Variants in MTOR observed in about 807,000 individuals in gnomAD.
MTOR encodes the protein mechanistic target of rapamycin kinase.
MTOR carries 70 observed loss-of-function variants against 319.8 expected under a neutral mutation model. That is an observed-to-expected ratio of 0.22 (90% confidence interval 0.18 to 0.27). The LOEUF (loss-of-function observed/expected upper bound fraction) is 0.27. Ranked by LOEUF, MTOR falls within the 10% of genes least tolerant of loss-of-function variation. MTOR has a pLI of 1.00. For synonymous variants in MTOR, 1,183 were observed against 1,211.4 expected, an observed-to-expected ratio of 0.98 and a Z score of 0.49; for missense variants, 1,890 against 3,274.4, an observed-to-expected ratio of 0.58 and a Z score of 10.32.
intron 36 of MTOR, among the ~76,000 whole-genome samples, chr1:11,135,481 GATAA>G (rs1175340028): frequency 6.6e-6 from 1 of 152,178 alleles, no homozygotes; most frequent in Non-Finnish European, 1.5e-5. Context: ...CAAGACTTCA[GATAA>G]ATAACAGTTC....
At chr1:11,253,461 C>G (rs1649962601) in intron 6 of MTOR, among the ~76,000 whole-genome samples, 1 of 152,156 alleles carries the variant, frequency 6.6e-6, no homozygotes, top group African/African-American at 2.4e-5. Flanking sequence ...CTCCCTTGCT[C>G]CCGGTACACC....
At chr1:11,154,521 C>CTG (rs775663500) in intron 30 of MTOR, among the ~76,000 whole-genome samples, 47 of 148,504 alleles carry the variant, frequency 3.2e-4, no homozygotes, top group African/African-American at 1.2e-3. Flanking sequence ...TTATCTCTCT[C>CTG]TCTATATATA....
At chr1:11,135,857 G>A (rs1643388474) in intron 36 of MTOR, among the ~76,000 whole-genome samples, 1 of 146,814 alleles carries the variant, frequency 6.8e-6, no homozygotes, top group Admixed American at 6.9e-5. Context: ...AAAAAAGGCT[G>A]GGTGTGGTGG....
At chr1:11,225,699 G>T (rs1225675539) in intron 19 of MTOR, among the ~76,000 whole-genome samples, 1 of 152,110 alleles carries the variant, frequency 6.6e-6, no homozygotes, top group Non-Finnish European at 1.5e-5. Flanking sequence ...TGGGATTATA[G>T]GCATGAGCCA....
chr1:11,153,195 G>A (rs1408823392), intron 30 of MTOR, among the ~76,000 whole-genome samples: 1 of 152,202 alleles, frequency 6.6e-6, no homozygotes, highest in East Asian at 1.9e-4. Flanking sequence ...GGAAGGGGAA[G>A]GGGCCAGGAG....
chr1:11,197,069 G>A (rs566212791), intron 28 of MTOR, among the ~76,000 whole-genome samples: 5 of 152,220 alleles, frequency 3.3e-5, no homozygotes, highest in South Asian at 4.1e-4. Flanking sequence ...AGTAAAAACA[G>A]GTAAGATGTC....
At chr1:11,244,985 C>T (rs1047947175) in intron 8 of MTOR, among the ~76,000 whole-genome samples, 10 of 152,174 alleles carry the variant, frequency 6.6e-5, no homozygotes, top group African/African-American at 2.2e-4. Flanking sequence ...GTATCCCCAT[C>T]GTTAAGCAAT....
chr1:11,243,324 G>A (rs1648341090), intron 8 of MTOR, 24 bp from the exon 9 acceptor site: 1 of 1,609,612 alleles, frequency 6.2e-7, no homozygotes, highest in Non-Finnish European at 8.5e-7. Context: ...AGACAAAGTA[G>A]ATAGCTCCAG....
At position 11,252,108 on chromosome 1, in the gene MTOR, C is replaced by A. The variant is rs148674968; in HGVS notation, c.840+1731G>T. The stretch of plus-strand genomic sequence containing the variant: ...AAATCTGCAGATGCTCAAGTCCCTC[C>A]GATAAAGTAGCATAGTATTTGCATA... On this transcript the variant is annotated intron_variant, in intron 6 of 57. Coordinates refer to ENST00000361445, the MANE Select transcript of MTOR (RefSeq NM_004958.4). Among the ~76,000 whole-genome samples, 680 of 152,188 alleles carry A rather than the reference C, an allele frequency of 4.5e-3. 8 individuals carry two copies. Among genetic ancestry groups the A allele is most frequent in the African/African-American group, 0.015 (641 of 41,508 alleles).
In MTOR at chr1:11,127,044, T is replaced by C. The variant is rs2100401425; in HGVS notation, c.6317A>G (p.His2106Arg). ...CTGCTTTGAGATTCGTCGGAACACATGATAATAGAGGTCCCAGGCTTGGGT... is the reference window on the plus strand; with the variant it reads ...CTGCTTTGAGATTCGTCGGAACACACGATAATAGAGGTCCCAGGCTTGGGT... ...DLTQAWDLYY[H>R]VFRRISKQLP... The change falls in exon 45 of 58, where the codon CAT becomes CGT. Residue 2106 changes from histidine to arginine, a missense_variant. Around this residue, in one of 15 missense-constraint regions of MTOR, gnomAD observed 249 missense variants for 596.2 expected, o/e 0.42. Transcript: ENST00000361445. The surrounding 1 kb of genome is among the most constrained non-coding windows in gnomAD (Gnocchi z 5.5). The C allele has an allele frequency of 6.2e-7, 1 of 1,614,174 alleles. No individual in the cohort carries two copies. Among genetic ancestry groups the C allele is most frequent in the Non-Finnish European group, 8.5e-7 (1 of 1,180,034 alleles).
chr1:11,201,376 G>T (rs953233304), intron 26 of MTOR, among the ~76,000 whole-genome samples: 8 of 152,160 alleles, frequency 5.3e-5, no homozygotes, highest in Admixed American at 5.2e-4. Context: ...GGAAGTCCTA[G>T]AAACTATTTT....
intron 10 of MTOR, among the ~76,000 whole-genome samples, chr1:11,240,937 AT>A (rs1647923035): frequency 6.6e-6 from 1 of 152,090 alleles, no homozygotes; most frequent in Non-Finnish European, 1.5e-5. Context: ...TACTTCCTAT[AT>A]GCCAGGCATG....
At chr1:11,177,313 C>T (rs1645022420) in intron 28 of MTOR, among the ~76,000 whole-genome samples, 1 of 152,046 alleles carries the variant, frequency 6.6e-6, no homozygotes, top group Non-Finnish European at 1.5e-5. Flanking sequence ...ATCCCACCAC[C>T]TTGGGAGGCC....
In MTOR at chr1:11,133,235, C is replaced by T; in HGVS notation, c.5247-38G>A. On this transcript the variant is annotated intron_variant, in intron 37 of 57. Transcript: ENST00000361445. The surrounding 1 kb of genome is among the most constrained non-coding windows in gnomAD (Gnocchi z 4.0). ...AAACAAGCCCCCATGACATTCCCTCCTCAAAACAGCCCTCCTAAGAGGACC... is the reference window on the plus strand; with the variant it reads ...AAACAAGCCCCCATGACATTCCCTCTTCAAAACAGCCCTCCTAAGAGGACC... 6.4e-7 allele frequency: 1 copy of T among 1,557,318 alleles called. No homozygotes were observed. Among genetic ancestry groups the T allele is most frequent in the Non-Finnish European group, 8.9e-7 (1 of 1,128,488 alleles).
intron 6 of MTOR, among the ~76,000 whole-genome samples, chr1:11,250,214 G>A (rs1438116158): frequency 4.5e-5 from 4 of 89,246 alleles, no homozygotes; most frequent in Non-Finnish European, 8.8e-5. Context: ...GCGGCTGGCC[G>A]GGCGGGGGGC....
rs1049067794 is a variant in MTOR, at chr1:11,109,885, A to G, written c.7367-156T>C. Reference sequence around the variant, plus strand: ...GAAAGTTTTATGTTACTCTTTATGTATTTCAAAGTTTTAAGCTGGACATAG... The same window carrying G: ...GAAAGTTTTATGTTACTCTTTATGTGTTTCAAAGTTTTAAGCTGGACATAG... On this transcript the variant is annotated intron_variant, in intron 54 of 57. Transcript: ENST00000361445. This position sits in a 1 kb window ranked among gnomAD's most constrained non-coding sequence, Gnocchi z 4.0. Among the ~76,000 whole-genome samples the G allele has an allele frequency of 3.3e-5, 5 of 151,798 alleles. No homozygotes were observed. Among genetic ancestry groups the G allele is most frequent in the Admixed American group, 6.6e-5 (1 of 15,182 alleles).
intron 30 of MTOR, among the ~76,000 whole-genome samples, chr1:11,155,198 T>C (rs564513457): frequency 3.3e-5 from 5 of 152,350 alleles, no homozygotes; most frequent in South Asian, 2.1e-4. Flanking sequence ...TTTATTGATA[T>C]GATGAAATAT....
chr1:11,160,204 G>A (rs1179964022), intron 29 of MTOR, among the ~76,000 whole-genome samples: 2 of 151,918 alleles, frequency 1.3e-5, no homozygotes, highest in African/African-American at 4.8e-5. Context: ...AGGTTCAAGC[G>A]ATTCTCCTGT....
chr1:11,161,000 G>A (rs531340373), intron 29 of MTOR, among the ~76,000 whole-genome samples: 38 of 152,302 alleles, frequency 2.5e-4, no homozygotes, highest in Admixed American at 4.6e-4. Context: ...ACCTCACCCC[G>A]GAAGCACAAG....
Sources: gnomAD v4.1 joint callset for allele counts (sites outside exome capture counted in the v4.1 genomes callset) on GRCh38, gnomAD v4.1.1 for gene constraint, gnomAD v4.1.1 regional missense constraint, Gnocchi (gnomAD v3.1) non-coding constraint, MANE v1.5 for transcripts, NCBI Gene and HGNC (gene_info 2026-07-23, HGNC 2026-07-21) for gene names.